CHST1: variants seen among roughly 807,000 people sequenced by gnomAD.
The protein encoded by CHST1 is carbohydrate sulfotransferase 1, also known as Keratan sulfotransferase.
CHST1 carries 10 observed loss-of-function variants against 22.5 expected under a neutral mutation model. That is an observed-to-expected ratio of 0.44 (90% confidence interval 0.27 to 0.75). The LOEUF is 0.75. Among genes scored for constraint, CHST1 ranks in the 30% least tolerant of loss-of-function variants. The pLI is 0.15. For missense variants in CHST1, 439 were observed against 576.1 expected (o/e 0.76, Z 2.44); for synonymous variants, 267 against 264.5 (o/e 1.01, Z -0.09).
Position 45,650,137 on chromosome 11 carries a change from T to C in CHST1, c.787A>G (p.Lys263Glu). ...LWRLWYGTGR[K>E]PYNLDVTQLT... is the part of the protein sequence containing the mutation. ...TGCGTCACGTCCAGGTTGTAGGGTT[T>C]CCTCCCGGTGCCGTACCAGAGCCGC... The change falls in exon 4 of 4, where the codon AAA (lysine) becomes GAA (glutamate). Residue 263 changes from lysine (K) to glutamate (E), a missense_variant. By Grantham distance (56) the Lys-to-Glu change is moderately conservative (BLOSUM62 1). Coordinates refer to ENST00000308064, the MANE Select transcript of CHST1 (RefSeq NM_003654.6). 1 of 1,613,836 alleles carries C rather than the reference T, an allele frequency of 6.2e-7. No individual in the cohort carries two copies. Among genetic ancestry groups the C allele is most frequent in the Non-Finnish European group, 8.5e-7 (1 of 1,180,012 alleles).
chr11:45,658,736 T>C (rs4756011), intron 1 of CHST1, among the ~76,000 whole-genome samples: 146,051 of 152,074 alleles, frequency 0.96, 70,142 homozygotes, highest in East Asian at 1. Context: ...ACAGCCTGGC[T>C]TGCGGTAGGC....
chr11:45,654,107 T>C (rs1590690059), intron 1 of CHST1, among the ~76,000 whole-genome samples: 1 of 152,194 alleles, frequency 6.6e-6, no homozygotes, highest in South Asian at 2.1e-4. Context: ...AATTCTGGGG[T>C]TCCAATTCCA....
At chr11:45,655,455 G>A (rs1852050473) in intron 1 of CHST1, among the ~76,000 whole-genome samples, 1 of 152,250 alleles carries the variant, frequency 6.6e-6, no homozygotes. Flanking sequence ...ATCCTGCGGT[G>A]CAGCCTCGTA....
chr11:45,657,703 G>T (rs1390615790), intron 1 of CHST1, among the ~76,000 whole-genome samples: 1 of 152,232 alleles, frequency 6.6e-6, no homozygotes, highest in African/African-American at 2.4e-5. Flanking sequence ...GTGAGCTGCT[G>T]GGGTCCAGAC....
At chr11:45,656,381 A>G (rs770431917) in intron 1 of CHST1, among the ~76,000 whole-genome samples, 10 of 152,204 alleles carry the variant, frequency 6.6e-5, no homozygotes, top group Non-Finnish European at 1.3e-4. Context: ...GTCACCCAGC[A>G]TATATAAGTT....
At chr11:45,657,643 T>C (rs1383509007) in intron 1 of CHST1, among the ~76,000 whole-genome samples, 1 of 152,208 alleles carries the variant, frequency 6.6e-6, no homozygotes, top group African/African-American at 2.4e-5. Flanking sequence ...CATCCTTCCA[T>C]GTGAGCAGTA....
At chr11:45,662,786 C>T (rs543484219) in intron 1 of CHST1, among the ~76,000 whole-genome samples, 9 of 152,230 alleles carry the variant, frequency 5.9e-5, no homozygotes, top group African/African-American at 1.9e-4. Flanking sequence ...CCAGAAGGTC[C>T]GTGGGAGAAG....
At chr11:45,655,001 G>A (rs1852044515) in intron 1 of CHST1, among the ~76,000 whole-genome samples, 1 of 152,182 alleles carries the variant, frequency 6.6e-6, no homozygotes, top group African/African-American at 2.4e-5. Context: ...CATAGCTACA[G>A]TAGTGCTGGT....
At position 45,649,156 on chromosome 11, in the gene CHST1, G is replaced by GA; in HGVS notation, c.*531_*532insT. ...ACCTGCCTCACCGACAGGCAAGGGC[G>GA]GGCAGGAGGGGGCAGTTTCGCTGCT... On this transcript the variant is annotated 3_prime_UTR_variant, in exon 4 of 4. Transcript: ENST00000308064. 4 of 153,348 alleles carry GA rather than the reference G, an allele frequency of 2.6e-5. No homozygotes were observed. Among genetic ancestry groups the GA allele is most frequent in the African/African-American group, 9.7e-5 (4 of 41,404 alleles). 9.5% of individuals were successfully genotyped at this position (153,348 alleles called of 1,614,324 possible).
At position 45,650,726 on chromosome 11, in the gene CHST1, C is replaced by G; in HGVS notation, c.198G>C (p.Leu66=). 1.2e-6 allele frequency: 2 copies of G among 1,614,114 alleles called. No individual in the cohort carries two copies. Among genetic ancestry groups the G allele is most frequent in the Non-Finnish European group, 1.7e-6 (2 of 1,180,002 alleles). The change falls in exon 4 of 4, where the codon CTG becomes CTC. Residue 66 remains leucine, a synonymous_variant. Transcript: ENST00000308064. ...NLSRKTHILI[L]ATTRSGSSFV... ...AGGAGGAGCCACTGCGCGTGGTGGC[C>G]AGGATGAGGATGTGGGTCTTGCGGG...
intron 1 of CHST1, among the ~76,000 whole-genome samples, chr11:45,662,420 C>T (rs1852146345): frequency 6.6e-6 from 1 of 152,220 alleles, no homozygotes; most frequent in South Asian, 2.1e-4. Context: ...CCTCAGGAAC[C>T]TGAAACAAAT....
chr11:45,662,098 C>A (rs1490147605), intron 1 of CHST1, among the ~76,000 whole-genome samples: 1 of 152,192 alleles, frequency 6.6e-6, no homozygotes, highest in Non-Finnish European at 1.5e-5. Flanking sequence ...TGAAGAGCTC[C>A]CTGTCCCTCT....
intron 1 of CHST1, among the ~76,000 whole-genome samples, chr11:45,662,573 AT>A (rs1280483778): frequency 1.3e-5 from 2 of 152,236 alleles, no homozygotes; most frequent in African/African-American, 4.8e-5. Flanking sequence ...CTAGGTGAGC[AT>A]GCTTGGGGAG....
intron 1 of CHST1, among the ~76,000 whole-genome samples, chr11:45,660,094 C>T (rs921213156): frequency 2.0e-5 from 3 of 152,228 alleles, no homozygotes; most frequent in East Asian, 3.8e-4. Flanking sequence ...AACACAATGG[C>T]GGCTGCTCAT....
Position 45,665,033 on chromosome 11 carries a change from T to TCGC in CHST1, c.-227+142_-227+144dup, listed in dbSNP as rs1330081105. On this transcript the variant is annotated intron_variant, in intron 1 of 3. Coordinates refer to ENST00000308064, the MANE Select transcript of CHST1 (RefSeq NM_003654.6). This position sits in a 1 kb window ranked among gnomAD's most constrained non-coding sequence, Gnocchi z 4.0. ...CCTGCGCCCAACACGCCGCCGTTCC[T>TCGC]CGCCGCCGCCACCCCTCCGCTCACC... is the stretch of plus-strand genomic sequence containing the variant. 6.6e-6 allele frequency: 1 copy of TCGC among 152,124 alleles called. No individual in the cohort carries two copies. The highest frequency in any genetic ancestry group is 1.5e-5 in the Non-Finnish European group (1 of 68,100). The allele number at this position is 152,124 out of a possible 1,614,324, so 9.4% of individuals were successfully genotyped here. A position where few individuals can be genotyped will look rare whatever the true frequency, so the allele number is the denominator to read the frequency against.
At chr11:45,658,087 AC>A (rs1173040495) in intron 1 of CHST1, among the ~76,000 whole-genome samples, 2 of 152,198 alleles carry the variant, frequency 1.3e-5, no homozygotes, top group Non-Finnish European at 2.9e-5. Flanking sequence ...TGGAGAAGGT[AC>A]CCACAAGCAT....
Position 45,648,115 on chromosome 11 carries a change from C to G in CHST1, c.*1573G>C, listed in dbSNP as rs4148904. ...GCAGATTCTCTGCCAGTGTAGACAC[C>G]AGTAAACCTGTACCAGTTATTCAAA... On this transcript the variant is annotated 3_prime_UTR_variant, in exon 4 of 4. Transcript: ENST00000308064. Among the ~76,000 whole-genome samples, 47,682 of 152,070 alleles carry G rather than the reference C, an allele frequency of 0.31. 7,934 individuals carry two copies. Among genetic ancestry groups the G allele is most frequent in the Middle Eastern group, 0.5 (146 of 294 alleles).
intron 1 of CHST1, among the ~76,000 whole-genome samples, chr11:45,653,248 G>T (rs551970101): frequency 2.6e-5 from 4 of 152,210 alleles, no homozygotes; most frequent in African/African-American, 9.6e-5. Flanking sequence ...CACTCTCGGA[G>T]GTCAGGGTCC....
intron 1 of CHST1, among the ~76,000 whole-genome samples, chr11:45,655,487 T>A (rs1366944298): frequency 6.6e-6 from 1 of 152,196 alleles, no homozygotes; most frequent in East Asian, 1.9e-4. Flanking sequence ...GCTGCTGTAT[T>A]CAGAATTCTG....
Sources: gnomAD v4.1 joint callset for allele counts (sites outside exome capture counted in the v4.1 genomes callset) on GRCh38, gnomAD v4.1.1 for gene constraint, Gnocchi (gnomAD v3.1) non-coding constraint, MANE v1.5 for transcripts, NCBI Gene and HGNC (gene_info 2026-07-23, HGNC 2026-07-21) for gene names.